The following SLITRK2 variants were observed in gnomAD, a reference collection of about 807,000 sequenced individuals.
SLITRK2 encodes the protein SLIT and NTRK-like protein 2.
In SLITRK2, 13 loss-of-function variants were observed where a neutral mutation model predicts 35.4. That is an observed-to-expected ratio of 0.37 (90% CI 0.24 to 0.58). The LOEUF is 0.58. SLITRK2 is among the 20% of genes least tolerant of loss of function. SLITRK2 has a pLI of 0.75. For synonymous variants in SLITRK2, 294 were observed against 264.7 expected, an observed-to-expected ratio of 1.11 and a Z score of -1.07; for missense variants, 471 against 634.3, an observed-to-expected ratio of 0.74 and a Z score of 2.76.
At chrX:145,819,762 G>A (rs1010921369) in intron 1 of SLITRK2, 1 of 111,781 alleles carries the variant, frequency 8.9e-6, no homozygotes, top group Non-Finnish European at 1.9e-5. Context: ...CTCATCTCAA[G>A]TTTGCCCTTC....
At position 145,827,544 on chromosome X, in the gene SLITRK2, G is replaced by C. The variant is rs189895218; in HGVS notation, c.*2581G>C. 1 of 544,744 alleles carries C rather than the reference G, an allele frequency of 1.8e-6. No individual in the cohort carries two copies. The highest frequency in any genetic ancestry group is 2.4e-5 in the African/African-American group (1 of 41,835). The allele number at this position is 544,744 out of a possible 1,213,427, so 44.9% of individuals were successfully genotyped here. ...TACCTTAATATTAACTTACTTACAC[G>C]ATTTTAAAGACGCCTACTGAGAGAA... On this transcript the variant is annotated 3_prime_UTR_variant, in exon 5 of 5. Transcript: ENST00000335565.
At position 145,827,574 on chromosome X, in the gene SLITRK2, A is replaced by G; in HGVS notation, c.*2611A>G. ...TAAAGACGCCTACTGAGAGAACTCA[A>G]ATTTATAAACTCTGTTGCCTAATAA... On this transcript the variant is annotated 3_prime_UTR_variant, in exon 5 of 5. Coordinates refer to ENST00000335565, the MANE Select transcript of SLITRK2 (RefSeq NM_032539.5). 1.2e-6 allele frequency: 1 copy of G among 800,761 alleles called. No individual in the cohort carries two copies. Among genetic ancestry groups the G allele is most frequent in the South Asian group, 3.5e-5 (1 of 28,965 alleles). 66.0% of individuals were successfully genotyped at this position (800,761 alleles called of 1,213,427 possible).
In SLITRK2 at chrX:145,827,793, C is replaced by T. The variant is rs782008436; in HGVS notation, c.*2830C>T. 1 of 1,211,878 alleles carries T rather than the reference C, an allele frequency of 8.3e-7. No individual in the cohort carries two copies. Among genetic ancestry groups the T allele is most frequent in the Admixed American group, 2.2e-5 (1 of 46,049 alleles). On this transcript the variant is annotated 3_prime_UTR_variant, in exon 5 of 5. Transcript: ENST00000335565. Reference sequence around the variant, plus strand: ...ATTAACTCACTAGCATCCCCACTGACTATATTCTGTTTTGCTTTATCTGCT... The same window carrying T: ...ATTAACTCACTAGCATCCCCACTGATTATATTCTGTTTTGCTTTATCTGCT...
Position 145,824,529 on chromosome X carries a change from A to C in SLITRK2, c.2104A>C (p.Met702Leu). The change falls in exon 5 of 5, where the codon ATG (methionine) becomes CTG (leucine). Residue 702 changes from methionine (M) to leucine (L), a missense_variant. By Grantham distance (15) the Met-to-Leu change is conservative. This residue lies in a region of SLITRK2 where 190 missense variants were observed against 199.3 expected (regional missense o/e 0.95). Transcript: ENST00000335565. ...TCAGATGTGCCAAAACCCCATCTAC[A>C]TGCAGAAGGAAGGAGACCCAGTAGC... is the stretch of plus-strand genomic sequence containing the variant. ...VGQMCQNPIY[M>L]QKEGDPVAYY... 8.3e-7 allele frequency: 1 copy of C among 1,211,019 alleles called. No homozygotes were observed. The highest frequency in any genetic ancestry group is 1.8e-5 in the South Asian group (1 of 56,869).
chrX:145,821,301 C>T (rs1490804535), intron 2 of SLITRK2, 47 bp from the exon 3 acceptor site: 3 of 109,423 alleles, frequency 2.7e-5, no homozygotes, highest in Non-Finnish European at 5.7e-5. Flanking sequence ...TAGCAGGGCC[C>T]CTCCTTGAGA....
At position 145,823,341 on chromosome X, in the gene SLITRK2, A is replaced by G. The variant is rs2073059946; in HGVS notation, c.916A>G (p.Lys306Glu). ...TRAPKASRPP[K>E]MRNRPTPRVT... ...GGCTCCGAAAGCCAGCCGGCCGCCC[A>G]AAATGAGAAATCGTCCAACTCCTCG... is the stretch of plus-strand genomic sequence containing the variant. The change falls in exon 5 of 5, where the codon AAA becomes GAA. Residue 306 changes from lysine to glutamate, a missense_variant. Physicochemically the swap from Lys to Glu is moderately conservative, Grantham distance 56. Transcript: ENST00000335565. 2 of 1,211,582 alleles carry G rather than the reference A, an allele frequency of 1.7e-6. No individual in the cohort carries two copies. The highest frequency in any genetic ancestry group is 1.1e-6 in the Non-Finnish European group (1 of 895,385).
At chrX:145,819,448 G>A (rs1556942513) in intron 1 of SLITRK2, 1 of 111,666 alleles carries the variant, frequency 9.0e-6, no homozygotes, top group African/African-American at 3.3e-5. Flanking sequence ...CACTTTCCCT[G>A]GTTAAGAAAT....
At position 145,825,003 on chromosome X, in the gene SLITRK2, G is replaced by C. The variant is rs782787119; in HGVS notation, c.*40G>C. The C allele has an allele frequency of 8.6e-7, 1 of 1,156,351 alleles. No individual in the cohort carries two copies. The highest frequency in any genetic ancestry group is 3.0e-5 in the East Asian group (1 of 33,267). The stretch of plus-strand genomic sequence containing the variant: ...CAACCCTAAGGCATCAGAGGATGCT[G>C]CTCCGAACTGTTGGAAACAAGGACA... On this transcript the variant is annotated 3_prime_UTR_variant, in exon 5 of 5. Transcript: ENST00000335565.
At chrX:145,821,009 A>C (rs2072994810) in intron 2 of SLITRK2, 1 of 108,534 alleles carries the variant, frequency 9.2e-6, no homozygotes, top group Non-Finnish European at 1.9e-5. Context: ...CACTCTCTGC[A>C]CAGAGAGCAT....
chrX:145,824,489 C>T lies in SLITRK2; in HGVS notation c.2064C>T (p.Ile688=), dbSNP rs187828904. ...CAGACGGCCATGTCTACAACTATAT[C>T]CCCCCACCTGTGGGTCAGATGTGCC... ...DKTDGHVYNY[I]PPPVGQMCQN... Residue 688 remains isoleucine (I), a synonymous_variant, in exon 5 of 5, where the codon ATC becomes ATT. Coordinates refer to ENST00000335565, the MANE Select transcript of SLITRK2 (RefSeq NM_032539.5). 47 of 1,208,858 alleles carry T rather than the reference C, an allele frequency of 3.9e-5. No individual in the cohort carries two copies. In the Middle Eastern group the frequency reaches 9.1e-4, roughly 24 times the overall value.
rs2124218418 is a variant in SLITRK2, at chrX:145,824,984, T to C, written c.*21T>C. The C allele has an allele frequency of 1.7e-6, 2 of 1,189,507 alleles. No homozygotes were observed. The highest frequency in any genetic ancestry group is 1.1e-6 in the Non-Finnish European group (1 of 885,531). ...TGTGAAGGGAAATCATTTACAACCC[T>C]AAGGCATCAGAGGATGCTGCTCCGA... On this transcript the variant is annotated 3_prime_UTR_variant, in exon 5 of 5. Transcript: ENST00000335565.
chrX:145,827,950 C>G lies in SLITRK2; in HGVS notation c.*2987C>G, dbSNP rs1556946199. On this transcript the variant is annotated 3_prime_UTR_variant, in exon 5 of 5. Transcript: ENST00000335565. Reference sequence around the variant, plus strand: ...ATCAGCACAGCAAAATGGTTCCAGCCTACAGAATGCAGTCTCCCAGGGCCC... The same window carrying G: ...ATCAGCACAGCAAAATGGTTCCAGCGTACAGAATGCAGTCTCCCAGGGCCC... 1.7e-6 allele frequency: 2 copies of G among 1,208,019 alleles called. No individual in the cohort carries two copies. Among genetic ancestry groups the G allele is most frequent in the Non-Finnish European group, 2.2e-6 (2 of 894,544 alleles).
Position 145,827,556 on chromosome X carries a change from G to A in SLITRK2, c.*2593G>A, listed in dbSNP as rs1271160136. On this transcript the variant is annotated 3_prime_UTR_variant, in exon 5 of 5. Coordinates refer to ENST00000335565, the MANE Select transcript of SLITRK2 (RefSeq NM_032539.5). ...AACTTACTTACACGATTTTAAAGAC[G>A]CCTACTGAGAGAACTCAAATTTATA... is the stretch of plus-strand genomic sequence containing the variant. 9 of 605,861 alleles carry A rather than the reference G, an allele frequency of 1.5e-5. No homozygotes were observed. The highest frequency in any genetic ancestry group is 1.9e-5 in the Non-Finnish European group (8 of 415,520). 49.9% of individuals were successfully genotyped at this position (605,861 alleles called of 1,213,427 possible).
chrX:145,826,913 C>T lies in SLITRK2; in HGVS notation c.*1950C>T, dbSNP rs2073132438. Reference sequence around the variant, plus strand: ...TCCAAATTATTTGGATTAATGATTACTGGTGTAAAATAGTTGTTTGTAAAA... The same window carrying T: ...TCCAAATTATTTGGATTAATGATTATTGGTGTAAAATAGTTGTTTGTAAAA... On this transcript the variant is annotated 3_prime_UTR_variant, in exon 5 of 5. Coordinates refer to ENST00000335565, the MANE Select transcript of SLITRK2 (RefSeq NM_032539.5). 8.9e-6 allele frequency: 1 copy of T among 111,883 alleles called. No individual in the cohort carries two copies. The highest frequency in any genetic ancestry group is 2.8e-4 in the East Asian group (1 of 3,573). The allele number at this position is 111,883 out of a possible 1,213,427, so 9.2% of individuals were successfully genotyped here.
chrX:145,819,353 A>T (rs1276767284), intron 1 of SLITRK2: 2 of 111,787 alleles, frequency 1.8e-5, no homozygotes, highest in Non-Finnish European at 3.8e-5. Flanking sequence ...CATATTAAGC[A>T]GTAGTGTGCT....
Position 145,823,883 on chromosome X carries a change from A to T in SLITRK2, c.1458A>T (p.Leu486Phe), listed in dbSNP as rs782618630. ...LFLNNNLLRS[L>F]PDNIFGGTAL... ...TGAACAACAACCTTCTTCGGTCCTT[A>T]CCTGATAATATATTTGGGGGGACGG... The change falls in exon 5 of 5, where the codon TTA (leucine) becomes TTT (phenylalanine). Residue 486 changes from leucine (L) to phenylalanine (F), a missense_variant. Transcript: ENST00000335565. 15 of 1,210,856 alleles carry T rather than the reference A, an allele frequency of 1.2e-5. No homozygotes were observed. The highest frequency in any genetic ancestry group is 1.6e-5 in the Non-Finnish European group (14 of 895,253).
At position 145,822,820 on chromosome X, in the gene SLITRK2, G is replaced by C. The variant is rs1257537763; in HGVS notation, c.395G>C (p.Gly132Ala). ...ATATTGAGGGAGGACACCTTCCTAGGCCTGGAGAGCCTGGAGTATCTCCAG... is the reference window on the plus strand; with the variant it reads ...ATATTGAGGGAGGACACCTTCCTAGCCCTGGAGAGCCTGGAGTATCTCCAG... ...LEILREDTFL[G>A]LESLEYLQAD... The change falls in exon 5 of 5, where the codon GGC becomes GCC. Residue 132 changes from glycine (G) to alanine (A), a missense_variant. Gly to Ala is a moderately conservative substitution (Grantham distance 60). Around this residue, in one of 7 missense-constraint regions of SLITRK2, gnomAD observed 98 missense variants for 120.6 expected, o/e 0.81. Coordinates refer to ENST00000335565, the MANE Select transcript of SLITRK2 (RefSeq NM_032539.5). The C allele has an allele frequency of 8.3e-7, 1 of 1,207,583 alleles. No homozygotes were observed. Among genetic ancestry groups the C allele is most frequent in the African/African-American group, 1.8e-5 (1 of 56,537 alleles).
intron 4 of SLITRK2, 77 bp downstream of exon 4, chrX:145,822,230 C>G (rs1188220851): frequency 2.4e-6 from 1 of 411,253 alleles, no homozygotes; most frequent in Non-Finnish European, 4.1e-6. Flanking sequence ...GAAAAGAAAC[C>G]GCTTTGGAAA....
In SLITRK2 at chrX:145,827,586, C is replaced by A; in HGVS notation, c.*2623C>A. 3 of 844,250 alleles carry A rather than the reference C, an allele frequency of 3.6e-6. No individual in the cohort carries two copies. The allele number at this position is 844,250 out of a possible 1,213,427, so 69.6% of individuals were successfully genotyped here. A position where few individuals can be genotyped will look rare whatever the true frequency, so the allele number is the denominator to read the frequency against. ...CTGAGAGAACTCAAATTTATAAACT[C>A]TGTTGCCTAATAATTATGGTTTAAT... On this transcript the variant is annotated 3_prime_UTR_variant, in exon 5 of 5. Coordinates refer to ENST00000335565, the MANE Select transcript of SLITRK2 (RefSeq NM_032539.5).
Sources: gnomAD v4.1 joint callset for allele counts on GRCh38, gnomAD v4.1.1 for gene constraint, gnomAD v4.1.1 regional missense constraint, MANE v1.5 for transcripts, NCBI Gene and HGNC (gene_info 2026-07-23, HGNC 2026-07-21) for gene names.